ZNF407: variants seen among roughly 807,000 people sequenced by gnomAD.
ZNF407 encodes zinc finger protein 407.
A neutral mutation model predicts 131.2 loss-of-function variants in ZNF407; 17 were observed. The observed-to-expected ratio is 0.13, with a 90% confidence interval of 0.09 to 0.19. ZNF407 has a LOEUF of 0.19. Among genes scored for constraint, ZNF407 ranks in the 10% least tolerant of loss-of-function variants. The probability of loss-of-function intolerance (pLI) is 1.00; values close to 1 mark genes in which losing one functional copy is unlikely to be tolerated. For missense variants in ZNF407, 2,681 were observed against 2,830.6 expected (o/e 0.95, Z 1.20); for synonymous variants, 1,156 against 1,062.0 (o/e 1.09, Z -1.72).
chr18:74,672,177 A>ATAAG (rs1355664062), intron 3 of ZNF407, among the ~76,000 whole-genome samples: 2 of 152,222 alleles, frequency 1.3e-5, no homozygotes, highest in African/African-American at 4.8e-5. Context: ...CCAACAGTGT[A>ATAAG]TAAGTATTCC....
Position 74,631,503 on chromosome 18 carries a change from C to T in ZNF407, c.484C>T (p.Leu162=). The T allele has an allele frequency of 6.2e-7, 1 of 1,613,934 alleles. No homozygotes were observed. The highest frequency in any genetic ancestry group is 8.5e-7 in the Non-Finnish European group (1 of 1,179,894). ...TGCTCAGGAAATGGTTTCCCTTGAT[C>T]TGGAAAGAGAATCTCCTTTCCCCCC... ...TSAQEMVSLD[L]ERESPFPPKE... Residue 162 remains leucine (L), a synonymous_variant, in exon 2 of 9, where the codon CTG becomes TTG. Transcript: ENST00000299687.
intron 4 of ZNF407, among the ~76,000 whole-genome samples, chr18:74,868,694 C>T (rs770891773): frequency 6.6e-6 from 1 of 152,260 alleles, no homozygotes; most frequent in African/African-American, 2.4e-5. Flanking sequence ...CTGTTTCCAT[C>T]ACACCACTTG....
intron 1 of ZNF407, among the ~76,000 whole-genome samples, chr18:74,603,559 A>G (rs1346361471): frequency 1.3e-5 from 2 of 152,220 alleles, no homozygotes; most frequent in African/African-American, 4.8e-5. Flanking sequence ...CCTGAAAGGC[A>G]CCTTTCATAA....
Position 74,847,548 on chromosome 18 carries a change from T to C in ZNF407, c.4878-29649T>C, listed in dbSNP as rs149599333. On this transcript the variant is annotated intron_variant, in intron 4 of 8. Transcript: ENST00000299687. ...ATCTTTTTAACTTTCTATTTTTTAA[T>C]TTCTTTTTTTCTCTTTTGGCAAACA... 4.4e-3 allele frequency among the ~76,000 whole-genome samples: 677 copies of C among 152,322 alleles called. 7 individuals are homozygous for C. Among genetic ancestry groups the C allele is most frequent in the African/African-American group, 0.016 (648 of 41,572 alleles).
At chr18:74,749,357 A>G (rs992309937) in intron 3 of ZNF407, among the ~76,000 whole-genome samples, 2 of 152,070 alleles carry the variant, frequency 1.3e-5, no homozygotes, top group African/African-American at 4.8e-5. Context: ...GGAAAACACT[A>G]CTTCATCAAC....
At chr18:74,607,059 G>C (rs1982839008) in intron 1 of ZNF407, among the ~76,000 whole-genome samples, 1 of 152,214 alleles carries the variant, frequency 6.6e-6, no homozygotes, top group African/African-American at 2.4e-5. Context: ...GTGCCCTACA[G>C]GAGGCAGGTG....
intron 3 of ZNF407, among the ~76,000 whole-genome samples, chr18:74,749,644 C>T (rs1968753417): frequency 6.6e-6 from 1 of 152,004 alleles, no homozygotes; most frequent in Non-Finnish European, 1.5e-5. Flanking sequence ...GATGCCTTAC[C>T]ACAAATTTCA....
chr18:74,870,723 CTG>C (rs1156483908), intron 4 of ZNF407, among the ~76,000 whole-genome samples: 2 of 152,132 alleles, frequency 1.3e-5, no homozygotes, highest in East Asian at 3.9e-4. Flanking sequence ...TCAAAGATGA[CTG>C]TGGTCTTATC....
intron 8 of ZNF407, among the ~76,000 whole-genome samples, chr18:74,934,650 AC>A (rs1972019350): frequency 6.6e-6 from 1 of 152,224 alleles, no homozygotes; most frequent in Non-Finnish European, 1.5e-5. Flanking sequence ...TACTAAAAAT[AC>A]AAAAATTAGC....
chr18:74,621,869 C>CCA (rs1327479593), intron 1 of ZNF407, among the ~76,000 whole-genome samples: 1 of 152,164 alleles, frequency 6.6e-6, no homozygotes, highest in African/African-American at 2.4e-5. Context: ...GTAGCCTGGT[C>CCA]TCAGGACTGT....
chr18:74,777,309 T>A (rs1487053040), intron 3 of ZNF407, among the ~76,000 whole-genome samples: 1 of 152,206 alleles, frequency 6.6e-6, no homozygotes, highest in Non-Finnish European at 1.5e-5. Context: ...GTGTCAGGCA[T>A]TTACGGATAC....
At chr18:74,618,355 C>G (rs1455344700) in intron 1 of ZNF407, among the ~76,000 whole-genome samples, 3 of 152,136 alleles carry the variant, frequency 2.0e-5, no homozygotes, top group African/African-American at 7.2e-5. Flanking sequence ...TGTTAACTGG[C>G]CATCCTTTCT....
At chr18:74,765,937 C>G (rs763398301) in intron 3 of ZNF407, among the ~76,000 whole-genome samples, 6 of 151,996 alleles carry the variant, frequency 3.9e-5, no homozygotes, top group Non-Finnish European at 8.8e-5. Flanking sequence ...TCTGATTACT[C>G]TATCTTCTAA....
In ZNF407 at chr18:74,915,321, AGTGTGTGTGT is replaced by A. The variant is rs5826357; in HGVS notation, c.5250-5171_5250-5162del. On this transcript the variant is annotated intron_variant, in intron 7 of 8. Transcript: ENST00000299687. The stretch of plus-strand genomic sequence containing the variant: ...ATTAGTAAAGAGTGTTCGAATCGGG[AGTGTGTGTGT>A]GTGTGTGTGTGTGTGTGTGTGCATG... Among the ~76,000 whole-genome samples, 70 of 133,174 alleles carry A rather than the reference AGTGTGTGTGT, an allele frequency of 5.3e-4. 1 individual carries two copies. Among genetic ancestry groups the A allele is most frequent in the African/African-American group, 1.9e-3 (67 of 35,248 alleles). 87.4% of individuals were successfully genotyped at this position (133,174 alleles called of 152,430 possible).
chr18:74,652,037 T>C (rs1384869869), intron 3 of ZNF407, among the ~76,000 whole-genome samples: 1 of 152,154 alleles, frequency 6.6e-6, no homozygotes, highest in African/African-American at 2.4e-5. Context: ...TAGGTAAAGA[T>C]GACTTCATGG....
intron 8 of ZNF407, among the ~76,000 whole-genome samples, chr18:75,018,857 G>T (rs1216430839): frequency 6.6e-6 from 1 of 152,018 alleles, no homozygotes; most frequent in South Asian, 2.1e-4. Flanking sequence ...TAAATTTGTT[G>T]AGTCTACAGG....
chr18:74,798,793 T>G (rs1969968646), intron 4 of ZNF407, among the ~76,000 whole-genome samples: 1 of 152,130 alleles, frequency 6.6e-6, no homozygotes, highest in African/African-American at 2.4e-5. Flanking sequence ...ATCAAGGATT[T>G]TTTTCTTGCT....
chr18:74,862,889 T>A (rs1279252690), intron 4 of ZNF407, among the ~76,000 whole-genome samples: 1 of 151,556 alleles, frequency 6.6e-6, no homozygotes, highest in African/African-American at 2.4e-5. Flanking sequence ...TTGCCTGTGT[T>A]CCCCAGAGGA....
rs575480451 is a variant in ZNF407, at chr18:74,756,141, G to A, written c.4803-25287G>A. On this transcript the variant is annotated intron_variant, in intron 3 of 8. Coordinates refer to ENST00000299687, the MANE Select transcript of ZNF407 (RefSeq NM_017757.3). ...ACTCCTGACCTCATGATGTGCTCAC[G>A]TCAGCCTCCCAAAGTCCTGGCATTA... Among the ~76,000 whole-genome samples the A allele has an allele frequency of 2.4e-4, 37 of 151,516 alleles. 1 individual carries two copies. The East Asian group carries it at 5.4e-3, about 22-fold the overall frequency.
Sources: gnomAD v4.1 joint callset for allele counts (sites outside exome capture counted in the v4.1 genomes callset) on GRCh38, gnomAD v4.1.1 for gene constraint, MANE v1.5 for transcripts, NCBI Gene and HGNC (gene_info 2026-07-23, HGNC 2026-07-21) for gene names.